The following SP6 variants were observed in gnomAD, a reference collection of about 807,000 sequenced individuals.
SP6 encodes the protein transcription factor Sp6.
A neutral mutation model predicts 23.4 loss-of-function variants in SP6; 10 were observed. The observed-to-expected ratio is 0.43, with a 90% CI of 0.26 to 0.72. SP6 has a LOEUF of 0.72. SP6 is among the 30% of genes least tolerant of loss of function. SP6 has a pLI of 0.23. For synonymous variants in SP6, 238 were observed against 238.7 expected, an observed-to-expected ratio of 1.00 and a Z score of 0.03; for missense variants, 482 against 523.8, an observed-to-expected ratio of 0.92 and a Z score of 0.78.
the SP6 span, among the ~76,000 whole-genome samples, chr17:47,866,360 T>G: frequency 1.3e-5 from 2 of 151,076 alleles, no homozygotes; most frequent in East Asian, 1.9e-4. Context: ...TGAGGAGGGG[T>G]ATGGAGTAGA....
chr17:47,875,249 G>T, the SP6 span, among the ~76,000 whole-genome samples: 2 of 152,112 alleles, frequency 1.3e-5, no homozygotes, highest in Non-Finnish European at 2.9e-5. Flanking sequence ...TCCCCGGGGG[G>T]GCCTGAGAAC....
rs545390761 is a variant in SP6, at chr17:47,848,115, T to C, written c.315A>G (p.Glu105=). ...LLQPDMSHHY[E]SWFRPTHPGA... is the part of the protein sequence containing the mutation. ...CTGGGTGAGTCGGCCTGAACCACGA[T>C]TCATAATGGTGTGACATGTCCGGCT... is the stretch of plus-strand genomic sequence containing the variant. The change falls in exon 2 of 2, where the codon GAA becomes GAG. Residue 105 remains glutamate, a synonymous_variant. Coordinates refer to ENST00000536300, the MANE Select transcript of SP6 (RefSeq NM_001258248.2). The surrounding 1 kb of genome is among the most constrained non-coding windows in gnomAD (Gnocchi z 5.3). 6.2e-7 allele frequency: 1 copy of C among 1,613,510 alleles called. No individual in the cohort carries two copies. The highest frequency in any genetic ancestry group is 1.3e-5 in the African/African-American group (1 of 75,006).
the SP6 span, among the ~76,000 whole-genome samples, chr17:47,866,699 C>T: frequency 5.9e-5 from 9 of 152,202 alleles, no homozygotes; most frequent in East Asian, 3.9e-4. Flanking sequence ...CCCCCAGGCA[C>T]GCATGTTTCT....
At chr17:47,854,728 C>A (rs1475968320), upstream of SP6, among the ~76,000 whole-genome samples, 1 of 152,168 alleles carries the variant, frequency 6.6e-6, no homozygotes, top group Non-Finnish European at 1.5e-5. Flanking sequence ...TGGTCTAGCC[C>A]CAAATTGTCT....
At chr17:47,849,119 C>CA (rs2033928344) in intron 1 of SP6, among the ~76,000 whole-genome samples, 1 of 152,188 alleles carries the variant, frequency 6.6e-6, no homozygotes, top group South Asian at 2.1e-4. Context: ...CACATGCCCC[C>CA]ACCCCCTTCC....
upstream of SP6, among the ~76,000 whole-genome samples, chr17:47,855,021 T>C (rs1276752216): frequency 6.6e-6 from 1 of 152,222 alleles, no homozygotes; most frequent in Non-Finnish European, 1.5e-5. Context: ...TCAAATAGTT[T>C]TCTTTCATTC....
At chr17:47,861,169 C>T in the SP6 span, among the ~76,000 whole-genome samples, 1 of 152,198 alleles carries the variant, frequency 6.6e-6, no homozygotes, top group Admixed American at 6.5e-5. Context: ...GCCCAGCTCC[C>T]CCGTCATTAT....
chr17:47,858,370 A>G (rs146633169), upstream of SP6, among the ~76,000 whole-genome samples: 1,103 of 152,128 alleles, frequency 7.3e-3, 15 homozygotes, highest in South Asian at 6.9e-3. Context: ...CTGTCCCCCA[A>G]ATCCTTACTG....
At chr17:47,851,869 C>A (rs1008841124), upstream of SP6, among the ~76,000 whole-genome samples, 2 of 151,790 alleles carry the variant, frequency 1.3e-5, no homozygotes, top group African/African-American at 4.8e-5. Context: ...AGCCTCTGCC[C>A]ACCACCGGTC....
upstream of SP6, among the ~76,000 whole-genome samples, chr17:47,854,247 C>G (rs2033982533): frequency 6.6e-6 from 1 of 152,234 alleles, no homozygotes; most frequent in Non-Finnish European, 1.5e-5. Flanking sequence ...GCGTGTTTAT[C>G]ACAAACGGCA....
chr17:47,847,968 G>GC lies in SP6; in HGVS notation c.461dup (p.Tyr155LeufsTer36). 6.3e-7 allele frequency: 1 copy of GC among 1,578,180 alleles called. No individual in the cohort carries two copies. Among genetic ancestry groups the GC allele is most frequent in the Non-Finnish European group, 8.6e-7 (1 of 1,161,708 alleles). Reference sequence around the variant, plus strand: ...CACAAAGCTGGTGGTCTCCGACGTAGCCCCCCAAGCCCGCCTGAAGCGCCC... The same window carrying GC: ...CACAAAGCTGGTGGTCTCCGACGTAGCCCCCCCAAGCCCGCCTGAAGCGCCC... On this transcript the variant is annotated frameshift_variant, in exon 2 of 2. Transcript: ENST00000536300. LOFTEE classifies it high-confidence loss of function.
the SP6 span, among the ~76,000 whole-genome samples, chr17:47,870,232 T>C: frequency 6.6e-6 from 1 of 152,206 alleles, no homozygotes; most frequent in African/African-American, 2.4e-5. Flanking sequence ...CTGGGATCCC[T>C]GCTGTCCTCT....
chr17:47,846,116 C>T lies in SP6; in HGVS notation c.*1183G>A, dbSNP rs1040256616. The T allele has an allele frequency of 5.9e-5, 9 of 152,236 alleles. No homozygotes were observed. Among genetic ancestry groups the T allele is most frequent in the Non-Finnish European group, 1.2e-4 (8 of 68,068 alleles). The allele number at this position is 152,236 out of a possible 1,614,324, so 9.4% of individuals were successfully genotyped here. On this transcript the variant is annotated 3_prime_UTR_variant, in exon 2 of 2. Coordinates refer to ENST00000536300, the MANE Select transcript of SP6 (RefSeq NM_001258248.2). ...GGAGAACAACTCTTTCCTCTCCCTT[C>T]CCCTGTGAGATGAGGGGGAGGAAGG... is the stretch of plus-strand genomic sequence containing the variant.
chr17:47,847,331 C>T lies in SP6; in HGVS notation c.1099G>A (p.Glu367Lys), dbSNP rs770271422. ...VEPPGGKGKR[E>K]AEGSVAPSN ...GAGGGAGCCACGCTGCCCTCGGCCT[C>T]GCGTTTGCCTTTGCCCCCGGGGGGC... is the stretch of plus-strand genomic sequence containing the variant. The change falls in exon 2 of 2, where the codon GAG (glutamate) becomes AAG (lysine). Residue 367 changes from glutamate (E) to lysine (K), a missense_variant. Coordinates refer to ENST00000536300, the MANE Select transcript of SP6 (RefSeq NM_001258248.2). The T allele has an allele frequency of 6.3e-7, 1 of 1,583,602 alleles. No individual in the cohort carries two copies. The highest frequency in any genetic ancestry group is 1.1e-5 in the South Asian group (1 of 88,314).
chr17:47,863,908 T>G, the SP6 span, among the ~76,000 whole-genome samples: 2 of 151,720 alleles, frequency 1.3e-5, no homozygotes, highest in African/African-American at 4.8e-5. Context: ...CCGGCTAATT[T>G]TTTGTATTTT....
upstream of SP6, among the ~76,000 whole-genome samples, chr17:47,851,839 C>T (rs1343437859): frequency 6.6e-6 from 1 of 151,590 alleles, no homozygotes; most frequent in Non-Finnish European, 1.5e-5. Context: ...GGGTGACCAC[C>T]TCCTCTCCTC....
chr17:47,870,139 A>G, the SP6 span, among the ~76,000 whole-genome samples: 2 of 152,130 alleles, frequency 1.3e-5, no homozygotes, highest in African/African-American at 2.4e-5. Flanking sequence ...CCCCATCCCC[A>G]CTGCAATCCT....
Position 47,848,350 on chromosome 17 carries a change from T to C in SP6, c.80A>G (p.Gln27Arg), listed in dbSNP as rs1598059531. The change falls in exon 2 of 2, where the codon CAG becomes CGG. Residue 27 changes from glutamine to arginine, a missense_variant. This residue lies in a region of SP6 where 330 missense variants were observed against 332.3 expected (regional missense o/e 0.99). Transcript: ENST00000536300. The surrounding 1 kb of genome is among the most constrained non-coding windows in gnomAD (Gnocchi z 5.3). ...PHASPPRLDL[Q>R]PLQTYQGHTS... ...GTGGCCCTGGTAAGTTTGGAGAGGC[T>C]GCAGGTCGAGGCGCGGCGGGGAGGC... 2 of 1,603,540 alleles carry C rather than the reference T, an allele frequency of 1.2e-6. No individual in the cohort carries two copies. The highest frequency in any genetic ancestry group is 1.7e-6 in the Non-Finnish European group (2 of 1,175,098).
Position 47,848,760 on chromosome 17 carries a change from G to C in SP6, c.-57-274C>G, listed in dbSNP as rs1451523671. 6.6e-6 allele frequency among the ~76,000 whole-genome samples: 1 copy of C among 152,050 alleles called. No homozygotes were observed. Among genetic ancestry groups the C allele is most frequent in the Non-Finnish European group, 1.5e-5 (1 of 67,994 alleles). On this transcript the variant is annotated intron_variant, in intron 1 of 1. Transcript: ENST00000536300. The surrounding 1 kb of genome is among the most constrained non-coding windows in gnomAD (Gnocchi z 5.3). The stretch of plus-strand genomic sequence containing the variant: ...GAGTTGGGCCACTCCCAGGATGGTA[G>C]GTCAGATACACCTACAGCACAGTGC...
Sources: allele counts gnomAD v4.1 joint callset (sites outside exome capture counted in the v4.1 genomes callset), GRCh38; gene constraint gnomAD v4.1.1; regional missense constraint gnomAD v4.1.1; non-coding constraint Gnocchi (gnomAD v3.1); transcripts MANE v1.5; gene names NCBI Gene and HGNC (gene_info 2026-07-23, HGNC 2026-07-21).